The following ITFG1 variants were observed in gnomAD, a reference collection of about 807,000 sequenced individuals.
ITFG1 encodes the protein integrin alpha FG-GAP repeat containing 1.
A neutral mutation model predicts 81.8 loss-of-function variants in ITFG1; 34 were observed. The observed-to-expected ratio is 0.42, with a 90% CI of 0.32 to 0.55. The LOEUF (loss-of-function observed/expected upper bound fraction) is 0.55. Among genes scored for constraint, ITFG1 ranks in the 20% least tolerant of loss-of-function variants. The pLI, the probability that ITFG1 is intolerant of heterozygous loss-of-function variation, is 0.17. For missense variants in ITFG1, 672 were observed against 755.4 expected (o/e 0.89, Z 1.29); for synonymous variants, 285 against 270.6 (o/e 1.05, Z -0.52).
intron 8 of ITFG1, among the ~76,000 whole-genome samples, chr16:47,327,208 A>G (rs1021673736): frequency 6.6e-6 from 1 of 152,244 alleles, no homozygotes; most frequent in Non-Finnish European, 1.5e-5. Flanking sequence ...AAACCTGACA[A>G]AAACAAGCAA....
chr16:47,170,435 T>TC (rs1272374198), intron 14 of ITFG1, among the ~76,000 whole-genome samples: 1 of 151,358 alleles, frequency 6.6e-6, no homozygotes, highest in Non-Finnish European at 1.5e-5. Flanking sequence ...GGGAACACTT[T>TC]TTTTTTTTTT....
chr16:47,448,766 T>C (rs1969352649), intron 5 of ITFG1: 1 of 152,090 alleles, frequency 6.6e-6, no homozygotes. Flanking sequence ...TTATAGAAAA[T>C]GCTCATTATC....
intron 12 of ITFG1, among the ~76,000 whole-genome samples, chr16:47,241,908 C>G (rs538025030): frequency 6.7e-6 from 1 of 150,236 alleles, no homozygotes; most frequent in African/African-American, 2.5e-5. Flanking sequence ...GAGCTGAGAT[C>G]GCGCCACTGC....
At chr16:47,343,505 T>C (rs886672099) in intron 8 of ITFG1, among the ~76,000 whole-genome samples, 14 of 151,980 alleles carry the variant, frequency 9.2e-5, no homozygotes, top group African/African-American at 2.7e-4. Context: ...AAAAATTCAA[T>C]AATAAAAAGA....
At chr16:47,275,719 G>A (rs1006927257) in intron 10 of ITFG1, among the ~76,000 whole-genome samples, 6 of 152,056 alleles carry the variant, frequency 3.9e-5, no homozygotes, top group Non-Finnish European at 8.8e-5. Flanking sequence ...TTTAACTTGT[G>A]AGTGATTTAA....
intron 10 of ITFG1, among the ~76,000 whole-genome samples, chr16:47,279,781 GTCT>G (rs1257703787): frequency 2.6e-5 from 4 of 152,076 alleles, no homozygotes; most frequent in Non-Finnish European, 5.9e-5. Flanking sequence ...CTCACCAATG[GTCT>G]TCTTTGATTT....
chr16:47,383,563 A>G (rs1968421678), intron 6 of ITFG1, among the ~76,000 whole-genome samples: 1 of 152,222 alleles, frequency 6.6e-6, no homozygotes, highest in East Asian at 1.9e-4. Context: ...TGGTTTTTTT[A>G]GCAGCTGAAA....
chr16:47,291,018 T>C (rs1966898469), intron 10 of ITFG1, among the ~76,000 whole-genome samples: 1 of 142 alleles, frequency 7.0e-3, no homozygotes, highest in African/African-American at 0.02. Flanking sequence ...TATTGTCCTG[T>C]GGCCTGCTAG....
intron 8 of ITFG1, among the ~76,000 whole-genome samples, chr16:47,334,398 A>C (rs1037987382): frequency 1.3e-5 from 2 of 152,200 alleles, no homozygotes; most frequent in African/African-American, 2.4e-5. Context: ...ACTGCACTCC[A>C]AACTGGGTGA....
chr16:47,387,801 C>T (rs1179189608), intron 6 of ITFG1, among the ~76,000 whole-genome samples: 1 of 151,830 alleles, frequency 6.6e-6, no homozygotes, highest in Non-Finnish European at 1.5e-5. Flanking sequence ...AATTATGAGA[C>T]CCATAAAGAA....
chr16:47,307,163 A>G (rs1967182384), intron 10 of ITFG1, among the ~76,000 whole-genome samples: 1 of 149,928 alleles, frequency 6.7e-6, no homozygotes, highest in South Asian at 2.1e-4. Context: ...GAAAGAAATT[A>G]AAAAGGCAAA....
At chr16:47,347,789 C>A (rs1596916433) in intron 8 of ITFG1, among the ~76,000 whole-genome samples, 1 of 152,216 alleles carries the variant, frequency 6.6e-6, no homozygotes, top group Non-Finnish European at 1.5e-5. Flanking sequence ...CTGGGAGGCA[C>A]CCCCAAGTAG....
Position 47,460,914 on chromosome 16 carries a change from G to C in ITFG1, c.132C>G (p.Ala44=). 1 of 1,613,222 alleles carries C rather than the reference G, an allele frequency of 6.2e-7. No individual in the cohort carries two copies. ...AAGCCGCAAGGGTGCCCCAGGCCTCGGCCCCAAAGAGCTCGGCCGTGACGT... is the reference window on the plus strand; with the variant it reads ...AAGCCGCAAGGGTGCCCCAGGCCTCCGCCCCAAAGAGCTCGGCCGTGACGT... ...LHNVTAELFG[A]EAWGTLAAFG... The change falls in exon 1 of 18, where the codon GCC becomes GCG. Residue 44 remains alanine, a synonymous_variant. Coordinates refer to ENST00000320640, the MANE Select transcript of ITFG1 (RefSeq NM_030790.5).
intron 6 of ITFG1, among the ~76,000 whole-genome samples, chr16:47,411,935 C>CA (rs1273638410): frequency 1.3e-5 from 2 of 151,790 alleles, no homozygotes; most frequent in Non-Finnish European, 2.9e-5. Context: ...ATTACACCAC[C>CA]AAAAAAAATT....
chr16:47,413,700 A>C (rs1968838708), intron 6 of ITFG1, among the ~76,000 whole-genome samples: 1 of 152,162 alleles, frequency 6.6e-6, no homozygotes, highest in South Asian at 2.1e-4. Flanking sequence ...TGTCTGAAAA[A>C]AATACTGTAG....
intron 13 of ITFG1, among the ~76,000 whole-genome samples, chr16:47,230,403 A>C (rs1400030377): frequency 1.3e-5 from 2 of 152,198 alleles, no homozygotes; most frequent in Non-Finnish European, 2.9e-5. Flanking sequence ...TGAGGTGAGG[A>C]ATTTGAGAGA....
intron 8 of ITFG1, among the ~76,000 whole-genome samples, chr16:47,339,691 G>A (rs763668235): frequency 6.6e-6 from 1 of 151,932 alleles, no homozygotes; most frequent in East Asian, 1.9e-4. Context: ...AAGAAAAAAC[G>A]ATGAAGAAAA....
intron 8 of ITFG1, among the ~76,000 whole-genome samples, chr16:47,359,998 A>G (rs1487578898): frequency 6.6e-6 from 1 of 152,234 alleles, no homozygotes; most frequent in Non-Finnish European, 1.5e-5. Flanking sequence ...CCAAGCATAT[A>G]ATACACAGCC....
intron 10 of ITFG1, among the ~76,000 whole-genome samples, chr16:47,288,925 C>G (rs755421511): frequency 4.6e-5 from 7 of 152,094 alleles, no homozygotes; most frequent in Non-Finnish European, 8.8e-5. Context: ...ATCCTTGTCT[C>G]CTTCCAAATC....
Sources: allele counts gnomAD v4.1 joint callset (sites outside exome capture counted in the v4.1 genomes callset), GRCh38; gene constraint gnomAD v4.1.1; transcripts MANE v1.5; gene names NCBI Gene and HGNC (gene_info 2026-07-23, HGNC 2026-07-21).